RARB: variants seen among roughly 807,000 people sequenced by gnomAD.
The protein encoded by RARB is HBV-activated protein.
In RARB, 17 loss-of-function variants were observed where a neutral mutation model predicts 51.9. The ratio of observed to expected loss-of-function variants is 0.33; its 90% CI spans 0.22 to 0.49. The LOEUF (loss-of-function observed/expected upper bound fraction) is 0.49, where lower values mean the gene tolerates loss of function less well. Among genes scored for constraint, RARB ranks in the 20% least tolerant of loss-of-function variants. The pLI is 0.99. For missense variants in RARB, 369 were observed against 550.8 expected, an observed-to-expected ratio of 0.67 and a Z score of 3.30; for synonymous variants, 215 against 195.4, an observed-to-expected ratio of 1.10 and a Z score of -0.84.
intron 2 of RARB, among the ~76,000 whole-genome samples, chr3:24,918,727 C>T (rs1444473242): frequency 2.0e-5 from 3 of 152,068 alleles, no homozygotes; most frequent in Non-Finnish European, 2.9e-5. Context: ...CCTGTCTCTA[C>T]TAAAACTATA....
At chr3:25,149,719 C>CT (rs1700251535) in intron 4 of RARB, among the ~76,000 whole-genome samples, 2 of 152,206 alleles carry the variant, frequency 1.3e-5, no homozygotes, top group South Asian at 4.1e-4. Flanking sequence ...TACCCTGTCT[C>CT]TCTCTGTCCC....
chr3:25,382,491 C>T (rs935240370), intron 5 of RARB, among the ~76,000 whole-genome samples: 1 of 152,146 alleles, frequency 6.6e-6, no homozygotes, highest in Non-Finnish European at 1.5e-5. Flanking sequence ...CTGAAGAGCA[C>T]CAGGTAATTC....
intron 3 of RARB, among the ~76,000 whole-genome samples, chr3:25,104,713 C>A (rs1471539536): frequency 6.6e-6 from 1 of 152,070 alleles, no homozygotes; most frequent in African/African-American, 2.4e-5. Flanking sequence ...TATCCAAAGG[C>A]CCATCAATGT....
intron 4 of RARB, among the ~76,000 whole-genome samples, chr3:25,576,625 C>T (rs1459112359): frequency 6.6e-6 from 1 of 152,292 alleles, no homozygotes; most frequent in Non-Finnish European, 1.5e-5. Flanking sequence ...GGGAATCCTG[C>T]GGCATCACTC....
chr3:24,906,933 T>C (rs541224982), intron 2 of RARB, among the ~76,000 whole-genome samples: 1 of 151,182 alleles, frequency 6.6e-6, no homozygotes, highest in East Asian at 1.9e-4. Flanking sequence ...ATATTCAGTA[T>C]TGTTGTTGGA....
At chr3:25,048,974 G>A (rs980650388) in intron 2 of RARB, among the ~76,000 whole-genome samples, 2 of 151,984 alleles carry the variant, frequency 1.3e-5, no homozygotes, top group East Asian at 1.9e-4. Flanking sequence ...GGATGGTCTC[G>A]ATCTCCTGAC....
At chr3:24,882,737 A>G (rs2125357894) in intron 2 of RARB, among the ~76,000 whole-genome samples, 1 of 152,286 alleles carries the variant, frequency 6.6e-6, no homozygotes, top group South Asian at 2.1e-4. Flanking sequence ...CAGTCCACAG[A>G]CATTCCCCAT....
At position 24,884,301 on chromosome 3, in the gene RARB, G is replaced by A. The variant is rs1272589652; in HGVS notation, c.-380+25549G>A. Among the ~76,000 whole-genome samples the A allele has an allele frequency of 2.0e-5, 3 of 152,222 alleles. No individual in the cohort carries two copies. In the East Asian group the frequency reaches 5.8e-4, roughly 29 times the overall value. ...CAGTAAAGGAGGTTGGAAGGGCAAT[G>A]TCATATTATCTATTACACTGAAATA... is the stretch of plus-strand genomic sequence containing the variant. On this transcript the variant is annotated intron_variant, in intron 2 of 11. Coordinates refer to the RARB transcript ENST00000383772.
intron 2 of RARB, among the ~76,000 whole-genome samples, chr3:24,988,414 A>G (rs1696839990): frequency 6.6e-6 from 1 of 152,212 alleles, no homozygotes; most frequent in Non-Finnish European, 1.5e-5. Context: ...AAAAAATTTA[A>G]CATGTTCTTT....
chr3:25,288,647 A>G (rs1028867833), intron 5 of RARB, among the ~76,000 whole-genome samples: 5 of 152,158 alleles, frequency 3.3e-5, no homozygotes, highest in African/African-American at 1.2e-4. Context: ...AGATGCTTCC[A>G]TTCTTGATCA....
intron 4 of RARB, among the ~76,000 whole-genome samples, chr3:25,578,198 G>C (rs1701019458): frequency 6.6e-6 from 1 of 152,214 alleles, no homozygotes; most frequent in Admixed American, 6.5e-5. Flanking sequence ...CTCTCCATTT[G>C]CCGCAGCTGG....
chr3:25,185,499 GC>G (rs1700954734), intron 5 of RARB, among the ~76,000 whole-genome samples: 1 of 151,998 alleles, frequency 6.6e-6, no homozygotes, highest in African/African-American at 2.4e-5. Flanking sequence ...TGTGAAATTG[GC>G]CAACCAAAAA....
intron 5 of RARB, among the ~76,000 whole-genome samples, chr3:25,588,619 G>C (rs1485534956): frequency 1.3e-5 from 2 of 152,140 alleles, no homozygotes; most frequent in Non-Finnish European, 2.9e-5. Flanking sequence ...TCATTGGGTG[G>C]TTCTGGCTCG....
chr3:25,348,679 A>G (rs1233840359), intron 5 of RARB, among the ~76,000 whole-genome samples: 1 of 152,250 alleles, frequency 6.6e-6, no homozygotes, highest in Admixed American at 6.5e-5. Flanking sequence ...TTAATGTTAA[A>G]TGTTAGTAAA....
chr3:25,046,466 A>AT (rs1301150716), intron 2 of RARB, among the ~76,000 whole-genome samples: 1 of 151,924 alleles, frequency 6.6e-6, no homozygotes, highest in African/African-American at 2.4e-5. Flanking sequence ...TAATTTTTTT[A>AT]TTTTTGAGAC....
intron 1 of RARB, among the ~76,000 whole-genome samples, chr3:24,835,872 C>A (rs765836893): frequency 7.2e-5 from 11 of 152,168 alleles, no homozygotes; most frequent in Non-Finnish European, 1.6e-4. Context: ...TCAGTTGAGT[C>A]CATCTTAAGG....
At chr3:25,337,740 G>T (rs6774199) in intron 5 of RARB, among the ~76,000 whole-genome samples, 26,163 of 151,434 alleles carry the variant, frequency 0.17, 2,297 homozygotes, top group South Asian at 0.21. Flanking sequence ...TTATTTTTTT[G>T]TGTGCAGCAC....
intron 2 of RARB, among the ~76,000 whole-genome samples, chr3:24,942,742 C>A (rs886067834): frequency 6.6e-6 from 1 of 152,148 alleles, no homozygotes; most frequent in African/African-American, 2.4e-5. Flanking sequence ...AGATTACTGT[C>A]AAGAGCATTA....
chr3:25,293,886 C>T (rs964689807), intron 5 of RARB, among the ~76,000 whole-genome samples: 11 of 152,180 alleles, frequency 7.2e-5, no homozygotes, highest in Non-Finnish European at 1.2e-4. Context: ...AATGCTGGAG[C>T]TCAATTTCAC....
Sources: gnomAD v4.1 joint callset for allele counts (sites outside exome capture counted in the v4.1 genomes callset) on GRCh38, gnomAD v4.1.1 for gene constraint, MANE v1.5 for transcripts, NCBI Gene and HGNC (gene_info 2026-07-23, HGNC 2026-07-21) for gene names.